Variants in TSHZ2 observed in about 807,000 individuals in gnomAD.
The protein encoded by TSHZ2 is teashirt zinc finger homeobox 2.
In TSHZ2, 21 loss-of-function variants were observed where a neutral mutation model predicts 74.4. That is an observed-to-expected ratio of 0.28 (90% CI 0.20 to 0.41). TSHZ2 has a LOEUF of 0.41. Among genes scored for constraint, TSHZ2 ranks in the 10% least tolerant of loss-of-function variants. The pLI is 1.00. For missense variants in TSHZ2, 1,244 were observed against 1,293.5 expected, an observed-to-expected ratio of 0.96 and a Z score of 0.59; for synonymous variants, 540 against 515.3, an observed-to-expected ratio of 1.05 and a Z score of -0.65.
chr20:53,325,211 C>A (rs375281530), intron 2 of TSHZ2, among the ~76,000 whole-genome samples: 1 of 152,150 alleles, frequency 6.6e-6, no homozygotes, highest in Non-Finnish European at 1.5e-5. Flanking sequence ...TTGAGATCTC[C>A]AGCAGTTCCT....
chr20:53,285,721 G>GAA (rs11421719), intron 2 of TSHZ2, among the ~76,000 whole-genome samples: 12,952 of 147,892 alleles, frequency 0.088, 704 homozygotes, highest in East Asian at 0.22. Context: ...CATCTCAAGA[G>GAA]AAAAAAAAAA....
intron 1 of TSHZ2, among the ~76,000 whole-genome samples, chr20:53,156,674 C>T (rs1987802364): frequency 6.6e-6 from 1 of 152,146 alleles, no homozygotes; most frequent in Non-Finnish European, 1.5e-5. Context: ...GCTTGTGTAG[C>T]CCAGAAAGAA....
intron 2 of TSHZ2, among the ~76,000 whole-genome samples, chr20:53,308,787 C>G (rs1055949841): frequency 6.6e-6 from 1 of 152,098 alleles, no homozygotes; most frequent in Non-Finnish European, 1.5e-5. Context: ...GAAAACAACC[C>G]CGTTATCGGA....
chr20:52,984,042 G>T (rs1299521555), intron 1 of TSHZ2, among the ~76,000 whole-genome samples: 1 of 152,248 alleles, frequency 6.6e-6, no homozygotes, highest in Non-Finnish European at 1.5e-5. Flanking sequence ...CCAGATAAGT[G>T]CCTGAGAGCA....
rs1311758072 is a variant in TSHZ2 at position 53,493,036 on chromosome 20, C to T, written c.*5901C>T. On this transcript the variant is annotated 3_prime_UTR_variant, in exon 3 of 3. Transcript: ENST00000371497. The stretch of plus-strand genomic sequence containing the variant: ...CTGTATACTAGGAAGAAAAACCAGG[C>T]TGTTTTCCCTGAGTACAATGCAGCT... The T allele has an allele frequency of 6.6e-6, 1 of 152,188 alleles. No homozygotes were observed. Among genetic ancestry groups the T allele is most frequent in the African/African-American group, 2.4e-5 (1 of 41,440 alleles). The allele number at this position is 152,188 out of a possible 1,614,324, so 9.4% of individuals were successfully genotyped here.
chr20:53,246,244 TG>T (rs1990201091), intron 1 of TSHZ2, among the ~76,000 whole-genome samples: 1 of 152,060 alleles, frequency 6.6e-6, no homozygotes, highest in Non-Finnish European at 1.5e-5. Context: ...GTTTTCACCA[TG>T]TTGGCCAGGC....
chr20:53,140,526 C>A (rs1244019689), intron 1 of TSHZ2, among the ~76,000 whole-genome samples: 2 of 114,808 alleles, frequency 1.7e-5, no homozygotes, highest in Non-Finnish European at 3.3e-5. Context: ...GGTGACAGAG[C>A]AAGACTCCGT....
At chr20:53,368,483 A>AT (rs1486501974) in intron 2 of TSHZ2, among the ~76,000 whole-genome samples, 2 of 150,996 alleles carry the variant, frequency 1.3e-5, no homozygotes, top group Non-Finnish European at 2.9e-5. Context: ...TTTTTATTTT[A>AT]TTTTTTTAGT....
At chr20:53,102,586 C>A (rs1234582662) in intron 1 of TSHZ2, among the ~76,000 whole-genome samples, 1 of 152,032 alleles carries the variant, frequency 6.6e-6, no homozygotes, top group Non-Finnish European at 1.5e-5. Context: ...TAGAAACAAC[C>A]TTTGCAAAAC....
At chr20:53,240,721 T>TGATAGATAGATAGATA (rs11468792) in intron 1 of TSHZ2, among the ~76,000 whole-genome samples, 1,501 of 145,128 alleles carry the variant, frequency 0.01, 7 homozygotes, top group East Asian at 0.015. Flanking sequence ...GATAGATAGA[T>TGATAGATAGATAGATA]GATAGATAGA....
intron 2 of TSHZ2, among the ~76,000 whole-genome samples, chr20:53,479,632 G>A (rs1986091470): frequency 6.6e-6 from 1 of 152,238 alleles, no homozygotes; most frequent in Admixed American, 6.5e-5. Context: ...GTTAAACTGT[G>A]CAGAAAAGAC....
At chr20:53,087,768 G>A (rs1985743341) in intron 1 of TSHZ2, among the ~76,000 whole-genome samples, 1 of 152,216 alleles carries the variant, frequency 6.6e-6, no homozygotes, top group Non-Finnish European at 1.5e-5. Context: ...TTAAATGATG[G>A]TACGTGTTGG....
intron 2 of TSHZ2, among the ~76,000 whole-genome samples, chr20:53,336,617 G>GTTAGGTT (rs1297460932): frequency 5.3e-5 from 8 of 152,132 alleles, no homozygotes; most frequent in Admixed American, 5.2e-4. Flanking sequence ...ACCTCTTTCT[G>GTTAGGTT]CTCCGTCAGC....
intron 1 of TSHZ2, among the ~76,000 whole-genome samples, chr20:53,134,019 T>G (rs1291106406): frequency 6.7e-6 from 1 of 149,442 alleles, no homozygotes; most frequent in East Asian, 1.9e-4. Context: ...CTTGATACTA[T>G]CTGGAGAAAC....
Position 53,181,699 on chromosome 20 carries a change from T to C in TSHZ2, c.41-71800T>C, listed in dbSNP as rs1219634364. Among the ~76,000 whole-genome samples, 7 of 152,260 alleles carry C rather than the reference T, an allele frequency of 4.6e-5. No individual in the cohort carries two copies. The South Asian group carries it at 1.2e-3, about 27-fold the overall frequency. ...GTCAGGAGATTGAGACCATCCTGGC[T>C]AACACAGTGAAACCCTGTCTCTACC... On this transcript the variant is annotated intron_variant, in intron 1 of 2. Coordinates refer to ENST00000371497, the MANE Select transcript of TSHZ2 (RefSeq NM_173485.6).
chr20:53,203,780 A>G (rs543829409), intron 1 of TSHZ2, among the ~76,000 whole-genome samples: 2 of 152,176 alleles, frequency 1.3e-5, no homozygotes, highest in Admixed American at 6.5e-5. Flanking sequence ...TTAAAACTGC[A>G]TGTCCCAAAC....
At position 52,972,917 on chromosome 20, in the gene TSHZ2, A is replaced by G. The variant is rs1385955950; in HGVS notation, c.-377A>G. The G allele has an allele frequency of 3.7e-6, 1 of 273,824 alleles. No homozygotes were observed. Among genetic ancestry groups the G allele is most frequent in the Non-Finnish European group, 6.7e-6 (1 of 148,550 alleles). The allele number at this position is 273,824 out of a possible 1,614,324, so 17.0% of individuals were successfully genotyped here. ...ATCCGAACCCGGGCTTGGATGTTTAATAAAGAAATCAAGTGTCTCAACAGT... is the reference window on the plus strand; with the variant it reads ...ATCCGAACCCGGGCTTGGATGTTTAGTAAAGAAATCAAGTGTCTCAACAGT... On this transcript the variant is annotated 5_prime_UTR_variant, in exon 1 of 3. Coordinates refer to ENST00000371497, the MANE Select transcript of TSHZ2 (RefSeq NM_173485.6).
intron 1 of TSHZ2, among the ~76,000 whole-genome samples, chr20:53,071,022 G>A (rs999953680): frequency 6.6e-5 from 10 of 152,164 alleles, no homozygotes; most frequent in South Asian, 2.1e-4. Flanking sequence ...CCGTTAGAAC[G>A]AAACAATTTT....
chr20:53,051,494 C>CAA (rs1555819573), intron 1 of TSHZ2, among the ~76,000 whole-genome samples: 2 of 147,798 alleles, frequency 1.4e-5, no homozygotes, highest in Non-Finnish European at 3.0e-5. Flanking sequence ...CACACACACA[C>CAA]AATTCAGGTG....
Sources: gnomAD v4.1 joint callset for allele counts (sites outside exome capture counted in the v4.1 genomes callset) on GRCh38, gnomAD v4.1.1 for gene constraint, MANE v1.5 for transcripts, NCBI Gene and HGNC (gene_info 2026-07-23, HGNC 2026-07-21) for gene names.